The following CPT1B variants were observed in gnomAD, a reference collection of about 807,000 sequenced individuals.
CPT1B encodes carnitine palmitoyltransferase 1B, also known as carnitine O-palmitoyltransferase 1, muscle isoform.
A neutral mutation model predicts 92.7 loss-of-function variants in CPT1B; 57 were observed. The observed-to-expected ratio is 0.62, with a 90% CI of 0.50 to 0.77. The LOEUF is 0.77. Ranked by LOEUF, CPT1B falls within the 30% of genes least tolerant of loss-of-function variation. The probability of loss-of-function intolerance (pLI) is 0.00; values close to 1 mark genes in which losing one functional copy is unlikely to be tolerated. For missense variants in CPT1B, 983 were observed against 1,017.4 expected, an observed-to-expected ratio of 0.97 and a Z score of 0.46; for synonymous variants, 398 against 383.5, an observed-to-expected ratio of 1.04 and a Z score of -0.44.
Position 50,571,194 on chromosome 22 carries a change from T to C in CPT1B, c.1839A>G (p.Thr613=), listed in dbSNP as rs142545174. The C allele has an allele frequency of 3.7e-4, 597 of 1,614,144 alleles. No homozygotes were observed. The highest frequency in any genetic ancestry group is 4.7e-4 in the Non-Finnish European group (556 of 1,180,022). ...ETVRSCTSES[T]AFVQAMMEGS... ...CCTCCATCATGGCCTGCACAAAGGCTGTGGACTCGCTGGTACAGGAACGCA... is the reference window on the plus strand; with the variant it reads ...CCTCCATCATGGCCTGCACAAAGGCCGTGGACTCGCTGGTACAGGAACGCA... Residue 613 remains threonine, a synonymous_variant, in exon 15 of 20, where the codon ACA becomes ACG. Transcript: ENST00000312108.
At position 50,576,933 on chromosome 22, in the gene CPT1B, A is replaced by G; in HGVS notation, c.383T>C (p.Leu128Pro). The change falls in exon 4 of 20, where the codon CTG (leucine) becomes CCG (proline). Residue 128 changes from leucine (L) to proline (P), a missense_variant. Leu to Pro is a moderately conservative substitution (Grantham distance 98, BLOSUM62 -3). Coordinates refer to ENST00000312108, the MANE Select transcript of CPT1B (RefSeq NM_152246.3). ...CCCATGGTAGCAGAGAAGCAGCTTC[A>G]GGGTTTGGCGGAAGAAGAAGATGCC... ...VTGIFFFRQT[L>P]KLLLCYHGWM... 6.2e-6 allele frequency: 10 copies of G among 1,614,120 alleles called. No individual in the cohort carries two copies. Among genetic ancestry groups the G allele is most frequent in the Non-Finnish European group, 8.5e-6 (10 of 1,180,032 alleles).
chr22:50,574,113 C>T (rs1317788604), intron 9 of CPT1B, among the ~76,000 whole-genome samples: 1 of 152,236 alleles, frequency 6.6e-6, no homozygotes, highest in East Asian at 1.9e-4. Context: ...CTCCCTTCAC[C>T]ATGCGCAGTG....
intron 7 of CPT1B, among the ~76,000 whole-genome samples, chr22:50,575,234 C>A (rs1464044501): frequency 6.6e-6 from 1 of 152,176 alleles, no homozygotes; most frequent in Non-Finnish European, 1.5e-5. Context: ...TGCTCTCGAT[C>A]TCCTGACCTT....
rs147955265 is a variant in CPT1B at position 50,571,226 on chromosome 22, C to G, written c.1807G>C (p.Glu603Gln). 2.5e-6 allele frequency: 4 copies of G among 1,614,158 alleles called. No individual in the cohort carries two copies. The highest frequency in any genetic ancestry group is 3.4e-6 in the Non-Finnish European group (4 of 1,180,040). The change falls in exon 15 of 20, where the codon GAG becomes CAG. Residue 603 changes from glutamate to glutamine, a missense_variant. Physicochemically the swap from Glu to Gln is conservative, Grantham distance 29. Transcript: ENST00000312108. ...MTRMFREGRT[E>Q]TVRSCTSEST... is the part of the protein sequence containing the mutation. ...TCGCTGGTACAGGAACGCACAGTCT[C>G]AGTCCGTCCCTCCCGGAACATTCTG...
At chr22:50,570,152 T>C (rs749134030) in intron 17 of CPT1B, 141 bp downstream of exon 17, 2 of 607,382 alleles carry the variant, frequency 3.3e-6, no homozygotes, top group Non-Finnish European at 5.5e-6. Flanking sequence ...ATAGCTAACA[T>C]TCTGCTTCCA....
Position 50,573,549 on chromosome 22 carries a change from C to A in CPT1B, c.1137G>T (p.Glu379Asp). ...CTCCTGCAGTGAGGGCTGCCAGCTT[C>A]TCCTCCCCAGGCTGAGGTGGGGAGG... ...DDPSPPQPGE[E>D]KLAALTAGGR... Residue 379 changes from glutamate to aspartate, a missense_variant, in exon 10 of 20, where the codon GAG (glutamate) becomes GAT (aspartate). Coordinates refer to ENST00000312108, the MANE Select transcript of CPT1B (RefSeq NM_152246.3). The surrounding 1 kb of genome is among the most constrained non-coding windows in gnomAD (Gnocchi z 5.0). 1 of 1,612,904 alleles carries A rather than the reference C, an allele frequency of 6.2e-7. No homozygotes were observed.
In CPT1B at chr22:50,570,895, G is replaced by A; in HGVS notation, c.2024C>T (p.Ala675Val). 2.5e-6 allele frequency: 4 copies of A among 1,613,398 alleles called. No homozygotes were observed. The highest frequency in any genetic ancestry group is 3.4e-6 in the Non-Finnish European group (4 of 1,179,906). Residue 675 changes from alanine (A) to valine (V), a missense_variant, in exon 16 of 20, where the codon GCT becomes GTT. Ala to Val is a moderately conservative substitution (Grantham distance 64, BLOSUM62 0). Transcript: ENST00000312108. Reference protein sequence around the residue: ...KYLGVSSPFLAEVLSEPWRLS... With the variant: ...KYLGVSSPFLVEVLSEPWRLS... ...ACACCCAACAACGGTGCTGACCTCAGCAAGGAAAGGAGAGCTGACTCCTAG... is the reference window on the plus strand; with the variant it reads ...ACACCCAACAACGGTGCTGACCTCAACAAGGAAAGGAGAGCTGACTCCTAG...
In CPT1B at chr22:50,573,465, T is replaced by C; in HGVS notation, c.1166+55A>G. 6.7e-7 allele frequency: 1 copy of C among 1,486,194 alleles called. No homozygotes were observed. The highest frequency in any genetic ancestry group is 1.8e-4 in the Middle Eastern group (1 of 5,592). The allele number at this position is 1,486,194 out of a possible 1,614,324, so 92.1% of individuals were successfully genotyped here. A position where few individuals can be genotyped will look rare whatever the true frequency, so the allele number is the denominator to read the frequency against. ...GGTGGCAGGCAGGGCCACGCTCCTCTCCTCACGGAGCCCTGAACTCAGGGT... is the reference window on the plus strand; with the variant it reads ...GGTGGCAGGCAGGGCCACGCTCCTCCCCTCACGGAGCCCTGAACTCAGGGT... On this transcript the variant is annotated intron_variant, in intron 10 of 19. Coordinates refer to ENST00000312108, the MANE Select transcript of CPT1B (RefSeq NM_152246.3). This position sits in a 1 kb window ranked among gnomAD's most constrained non-coding sequence, Gnocchi z 5.0.
At chr22:50,577,981 G>T (rs2070544307) in intron 1 of CPT1B, 47 bp from the exon 2 acceptor site, 2 of 1,417,438 alleles carry the variant, frequency 1.4e-6, no homozygotes, top group Admixed American at 4.5e-5. Context: ...GGCCGGCCCC[G>T]CCGCCAGCCG....
chr22:50,576,797 C>A, intron 4 of CPT1B, 60 bp downstream of exon 4: 1 of 1,603,930 alleles, frequency 6.2e-7, no homozygotes. Flanking sequence ...CTCAGAACCC[C>A]AAAGGAGTCC....
At chr22:50,572,849 A>G (rs999637171) in intron 11 of CPT1B, 26 bp downstream of exon 11, 4 of 1,594,542 alleles carry the variant, frequency 2.5e-6, no homozygotes, top group Non-Finnish European at 3.4e-6. Context: ...CTTAAGCTGT[A>G]ACCTGTGGGG....
At position 50,571,431 on chromosome 22, in the gene CPT1B, A is replaced by T. The variant is rs779994264; in HGVS notation, c.1684T>A (p.Cys562Ser). Reference sequence around the variant, plus strand: ...ACAAAGGCATCAGGGCTGGTCCGGCACTTCTTGATGAGGCCTTTGCCAAAG... The same window carrying T: ...ACAAAGGCATCAGGGCTGGTCCGGCTCTTCTTGATGAGGCCTTTGCCAAAG... ...LPFGKGLIKK[C>S]RTSPDAFVQI... The change falls in exon 14 of 20, where the codon TGC becomes AGC. Residue 562 changes from cysteine to serine, a missense_variant. Physicochemically the swap from Cys to Ser is moderately radical, Grantham distance 112 (BLOSUM62 -1). Transcript: ENST00000312108. The T allele has an allele frequency of 6.2e-7, 1 of 1,613,846 alleles. No homozygotes were observed. The highest frequency in any genetic ancestry group is 1.1e-5 in the South Asian group (1 of 91,078).
chr22:50,572,747 G>T, intron 11 of CPT1B, 128 bp downstream of exon 11: 1 of 1,052,234 alleles, frequency 9.5e-7, no homozygotes, highest in Non-Finnish European at 1.4e-6. Flanking sequence ...GGCCCCCAAA[G>T]TGCTAGGATC....
rs2070169097 is a variant in CPT1B, at chr22:50,571,469, A to G, written c.1646T>C (p.Phe549Ser). ...ALADDVELYC[F>S]QFLPFGKGLI... ...GCCTTTGCCAAAGGGCAGGAACTGG[A>G]AGCAGTACAACTCCACGTCGTCTGC... The change falls in exon 14 of 20, where the codon TTC becomes TCC. Residue 549 changes from phenylalanine (F) to serine (S), a missense_variant. Transcript: ENST00000312108. 6.2e-7 allele frequency: 1 copy of G among 1,613,772 alleles called. No individual in the cohort carries two copies.
rs780573770 is a variant in CPT1B at position 50,576,088 on chromosome 22, T to G, written c.724A>C (p.Ile242Leu). The change falls in exon 7 of 20, where the codon ATC becomes CTC. Residue 242 changes from isoleucine (I) to leucine (L), a missense_variant. By Grantham distance (5) the Ile-to-Leu change is conservative. Transcript: ENST00000312108. ...AGAGGGCTCCTGCCTCGAAGGTAGA[T>G]GTACTCTTCCCACCAGTCACTCACC... ...NYVSDWWEEY[I>L]YLRGRSPLMV... 12 of 1,614,034 alleles carry G rather than the reference T, an allele frequency of 7.4e-6. No homozygotes were observed. In the East Asian group the frequency reaches 2.2e-4, roughly 30 times the overall value.
Position 50,577,834 on chromosome 22 carries a change from G to A in CPT1B, c.82C>T (p.Leu28=). 1 of 1,613,826 alleles carries A rather than the reference G, an allele frequency of 6.2e-7. No individual in the cohort carries two copies. The highest frequency in any genetic ancestry group is 8.5e-7 in the Non-Finnish European group (1 of 1,179,900). ...ATCCCAGACAGGTAGACGTGTTTCA[G>A]GGCCTCCCGACTGAGCCGGAAGTCG... ...GVDFRLSREA[L]KHVYLSGINS... Residue 28 remains leucine (L), a synonymous_variant, in exon 2 of 20, where the codon CTG becomes TTG. Coordinates refer to ENST00000312108, the MANE Select transcript of CPT1B (RefSeq NM_152246.3).
upstream of CPT1B, chr22:50,578,481 G>C (rs1175701589): frequency 6.4e-6 from 1 of 156,452 alleles, no homozygotes; most frequent in Non-Finnish European, 1.4e-5. Context: ...GCCCTCACCA[G>C]GAACCTGACA....
chr22:50,572,321 T>C lies in CPT1B; in HGVS notation c.1353-13A>G, dbSNP rs2070217403. 1.3e-6 allele frequency: 2 copies of C among 1,587,114 alleles called. No homozygotes were observed. The highest frequency in any genetic ancestry group is 2.2e-5 in the East Asian group (1 of 44,756). ...TTTGTCAAACCACCTGCAGGAAGAG[T>C]AGACACATGAAGAACCAAAGCTGGG... On this transcript the variant is annotated splice_polypyrimidine_tract_variant and intron_variant, in intron 11 of 19. Transcript: ENST00000312108.
Position 50,569,388 on chromosome 22 carries a change from C to G in CPT1B, c.2269G>C (p.Ala757Pro). 4 of 1,614,172 alleles carry G rather than the reference C, an allele frequency of 2.5e-6. No homozygotes were observed. The highest frequency in any genetic ancestry group is 3.4e-6 in the Non-Finnish European group (4 of 1,180,032). Residue 757 changes from alanine (A) to proline (P), a missense_variant, in exon 19 of 20, where the codon GCC becomes CCC. By Grantham distance (27) the Ala-to-Pro change is conservative. Transcript: ENST00000312108. ...AQRFGNHIRKALLDIADLFQV... is the reference protein window; with the variant it reads ...AQRFGNHIRKPLLDIADLFQV... ...AAAAGATCAGCAATGTCCAGCAGGG[C>G]TTTGCGGATGTGGTTTCCAAAGCGC...
Sources: gnomAD v4.1 joint callset for allele counts (sites outside exome capture counted in the v4.1 genomes callset) on GRCh38, gnomAD v4.1.1 for gene constraint, Gnocchi (gnomAD v3.1) non-coding constraint, MANE v1.5 for transcripts, NCBI Gene and HGNC (gene_info 2026-07-23, HGNC 2026-07-21) for gene names.